The following PDE4D variants were observed in gnomAD, a reference collection of about 807,000 sequenced individuals.
PDE4D encodes phosphodiesterase 4D, also known as 3',5'-cyclic-AMP phosphodiesterase 4D.
A neutral mutation model predicts 87.4 loss-of-function variants in PDE4D; 24 were observed. The observed-to-expected ratio is 0.27, with a 90% CI of 0.20 to 0.39. PDE4D has a LOEUF of 0.39. Among genes scored for constraint, PDE4D ranks in the 10% least tolerant of loss-of-function variants. PDE4D has a pLI of 1.00. For synonymous variants in PDE4D, 384 were observed against 383.2 expected (o/e 1.00, Z -0.02); for missense variants, 714 against 1,041.0 (o/e 0.69, Z 4.32).
At chr5:58,989,356 T>C (rs964106263) in intron 10 of PDE4D, among the ~76,000 whole-genome samples, 6 of 152,140 alleles carry the variant, frequency 3.9e-5, no homozygotes, top group African/African-American at 1.4e-4. Flanking sequence ...AAAATTAAAG[T>C]ATGTCCTTCT....
intron 1 of PDE4D, among the ~76,000 whole-genome samples, chr5:59,458,583 G>C (rs1421836124): frequency 1.3e-5 from 2 of 152,144 alleles, no homozygotes; most frequent in Non-Finnish European, 2.9e-5. Context: ...TTGTTGAACT[G>C]CTTTGCATGT....
intron 1 of PDE4D, among the ~76,000 whole-genome samples, chr5:60,243,132 G>C (rs1290191772): frequency 1.3e-5 from 2 of 151,638 alleles, no homozygotes; most frequent in African/African-American, 2.4e-5. Flanking sequence ...AGATGAAAAG[G>C]GAGACATTAC....
At chr5:59,203,752 T>C (rs752370459) in intron 2 of PDE4D, among the ~76,000 whole-genome samples, 2 of 152,042 alleles carry the variant, frequency 1.3e-5, no homozygotes, top group Non-Finnish European at 2.9e-5. Context: ...GAAAGATAAA[T>C]ACCATGTGAT....
At chr5:59,113,732 T>C (rs1348091576) in intron 5 of PDE4D, among the ~76,000 whole-genome samples, 1 of 152,244 alleles carries the variant, frequency 6.6e-6, no homozygotes, top group Non-Finnish European at 1.5e-5. Context: ...CTCCTGGCTC[T>C]GTTTCTTACT....
At chr5:59,055,218 GA>G (rs1358031249) in intron 5 of PDE4D, among the ~76,000 whole-genome samples, 1 of 152,072 alleles carries the variant, frequency 6.6e-6, no homozygotes, top group Non-Finnish European at 1.5e-5. Flanking sequence ...ACAGGAGAAG[GA>G]CACCTTTCCG....
chr5:59,149,780 C>T (rs753869758), intron 5 of PDE4D, among the ~76,000 whole-genome samples: 1 of 116,758 alleles, frequency 8.6e-6, no homozygotes, highest in African/African-American at 3.3e-5. Context: ...AATGGCTTAA[C>T]AAATATTTCC....
intron 1 of PDE4D, among the ~76,000 whole-genome samples, chr5:60,316,097 T>C (rs773055654): frequency 1.4e-4 from 21 of 152,240 alleles, no homozygotes; most frequent in Non-Finnish European, 3.1e-4. Flanking sequence ...ATTTTCATGA[T>C]ACTGATTCTT....
At chr5:59,131,602 AC>A (rs746132228) in intron 5 of PDE4D, among the ~76,000 whole-genome samples, 24,954 of 73,936 alleles carry the variant, frequency 0.34, 2,250 homozygotes, top group South Asian at 0.4. Context: ...TTTAAAACAC[AC>A]ACACACACAC....
At chr5:59,116,795 C>A (rs866340229) in intron 5 of PDE4D, among the ~76,000 whole-genome samples, 1 of 151,946 alleles carries the variant, frequency 6.6e-6, no homozygotes, top group African/African-American at 2.4e-5. Context: ...AAGTGGACTG[C>A]GAAAGGACAG....
chr5:60,253,048 T>C (rs1748649527), intron 1 of PDE4D, among the ~76,000 whole-genome samples: 1 of 151,792 alleles, frequency 6.6e-6, no homozygotes, highest in Non-Finnish European at 1.5e-5. Flanking sequence ...CCAGCAACGG[T>C]CACTATTAGT....
intron 1 of PDE4D, among the ~76,000 whole-genome samples, chr5:60,318,455 CTT>C: frequency 6.6e-6 from 1 of 152,234 alleles, no homozygotes; most frequent in East Asian, 1.9e-4. Flanking sequence ...CAGTCTGTGT[CTT>C]TTAATTGAAG....
intron 3 of PDE4D, among the ~76,000 whole-genome samples, chr5:59,963,538 T>C (rs900632790): frequency 7.2e-6 from 1 of 139,682 alleles, no homozygotes; most frequent in African/African-American, 2.7e-5. Flanking sequence ...CAGCAGAACA[T>C]AAAAACGGGC....
chr5:60,218,105 T>C (rs1375659096), intron 1 of PDE4D, among the ~76,000 whole-genome samples: 6 of 151,974 alleles, frequency 3.9e-5, no homozygotes, highest in Admixed American at 3.3e-4. Context: ...CAGACATTCA[T>C]AACTGAAAAA....
At chr5:59,631,668 A>G (rs1831579417) in intron 1 of PDE4D, among the ~76,000 whole-genome samples, 1 of 152,120 alleles carries the variant, frequency 6.6e-6, no homozygotes, top group Non-Finnish European at 1.5e-5. Context: ...TCCTCTACCC[A>G]AGGGAAGTCA....
intron 11 of PDE4D, among the ~76,000 whole-genome samples, chr5:58,981,242 G>A (rs1279214754): frequency 2.6e-5 from 4 of 152,006 alleles, no homozygotes; most frequent in Non-Finnish European, 5.9e-5. Flanking sequence ...TTGTCACCCT[G>A]GTACCCATAA....
At chr5:60,319,896 G>C (rs558815683) in intron 1 of PDE4D, among the ~76,000 whole-genome samples, 4 of 152,170 alleles carry the variant, frequency 2.6e-5, no homozygotes, top group Non-Finnish European at 4.4e-5. Context: ...TGCCCCTACT[G>C]GGGGGTACCT....
At chr5:59,152,717 G>A (rs1779636120) in intron 5 of PDE4D, among the ~76,000 whole-genome samples, 1 of 151,988 alleles carries the variant, frequency 6.6e-6, no homozygotes, top group South Asian at 2.1e-4. Context: ...AGGCTTTAGG[G>A]AAAATAAAGC....
chr5:60,314,278 T>A (rs1376783109), intron 1 of PDE4D, among the ~76,000 whole-genome samples: 3 of 151,858 alleles, frequency 2.0e-5, no homozygotes, highest in African/African-American at 4.8e-5. Context: ...GTAATTCTCC[T>A]GTCTCAGCCT....
chr5:58,986,250 T>G (rs184023529), intron 11 of PDE4D, among the ~76,000 whole-genome samples: 50 of 152,336 alleles, frequency 3.3e-4, no homozygotes, highest in African/African-American at 1.2e-3. Flanking sequence ...ATTATCTTCT[T>G]CAGTTTCCTC....
Sources: allele counts gnomAD v4.1 joint callset (sites outside exome capture counted in the v4.1 genomes callset), GRCh38; gene constraint gnomAD v4.1.1; transcripts MANE v1.5; gene names NCBI Gene and HGNC (gene_info 2026-07-23, HGNC 2026-07-21).